Variants in CSMD1 observed in about 807,000 individuals in gnomAD.
The protein encoded by CSMD1 is CUB and sushi domain-containing protein 1.
A neutral mutation model predicts 417.5 loss-of-function variants in CSMD1; 213 were observed. That is an observed-to-expected ratio of 0.51 (90% confidence interval 0.46 to 0.57). The LOEUF (loss-of-function observed/expected upper bound fraction) is 0.57, where lower values mean the gene tolerates loss of function less well. Ranked by LOEUF, CSMD1 falls within the 20% of genes least tolerant of loss-of-function variation. The pLI, the probability that CSMD1 is intolerant of heterozygous loss-of-function variation, is 0.00. For synonymous variants in CSMD1, 2,862 were observed against 1,736.8 expected, an observed-to-expected ratio of 1.65 and a Z score of -16.11; for missense variants, 6,923 against 4,529.7, an observed-to-expected ratio of 1.53 and a Z score of -15.17.
At chr8:3,543,275 G>C (rs933171591) in intron 10 of CSMD1, among the ~76,000 whole-genome samples, 24 of 152,188 alleles carry the variant, frequency 1.6e-4, no homozygotes, top group African/African-American at 4.6e-4. Flanking sequence ...GTTTTACAGA[G>C]GACATCGGAG....
intron 5 of CSMD1, among the ~76,000 whole-genome samples, chr8:3,891,858 CA>C (rs1274249843): frequency 6.6e-6 from 1 of 151,714 alleles, no homozygotes; most frequent in Non-Finnish European, 1.5e-5. Flanking sequence ...AAAGCTTGCC[CA>C]AAAAAAGGCT....
At chr8:4,633,518 G>C (rs1472519914) in intron 2 of CSMD1, among the ~76,000 whole-genome samples, 1 of 151,692 alleles carries the variant, frequency 6.6e-6, no homozygotes, top group Non-Finnish European at 1.5e-5. Flanking sequence ...CAAAGTGCTG[G>C]GATTACAGGT....
intron 2 of CSMD1, among the ~76,000 whole-genome samples, chr8:4,551,994 T>C (rs550422875): frequency 6.6e-6 from 1 of 152,232 alleles, no homozygotes; most frequent in South Asian, 2.1e-4. Context: ...GCTGGTCACA[T>C]TCTTTAGCAA....
intron 5 of CSMD1, among the ~76,000 whole-genome samples, chr8:3,853,956 TATTA>T (rs1804109357): frequency 6.8e-6 from 1 of 146,280 alleles, no homozygotes; most frequent in Admixed American, 6.9e-5. Context: ...TATATTAATA[TATTA>T]AATATATCAT....
chr8:4,021,055 C>T (rs1410373848), intron 4 of CSMD1, among the ~76,000 whole-genome samples: 3 of 152,180 alleles, frequency 2.0e-5, no homozygotes, highest in African/African-American at 4.8e-5. Flanking sequence ...CCAGTGACAG[C>T]ATCAGAGCTC....
chr8:4,233,921 A>C (rs549215094), intron 3 of CSMD1, among the ~76,000 whole-genome samples: 1 of 151,746 alleles, frequency 6.6e-6, no homozygotes, highest in East Asian at 2.0e-4. Flanking sequence ...GTCACCCTAA[A>C]ATGCCTTAAT....
At chr8:3,310,534 A>G (rs1805248970) in intron 23 of CSMD1, among the ~76,000 whole-genome samples, 1 of 152,178 alleles carries the variant, frequency 6.6e-6, no homozygotes, top group Non-Finnish European at 1.5e-5. Context: ...GCTATCTTGA[A>G]TTTACATTAG....
rs182911437 is a variant in CSMD1 at position 3,071,341 on chromosome 8, G to A, written c.7474+15756C>T. Among the ~76,000 whole-genome samples, 222 of 152,176 alleles carry A rather than the reference G, an allele frequency of 1.5e-3. 3 individuals are homozygous for A. The highest frequency in any genetic ancestry group is 0.013 in the Admixed American group (206 of 15,292). Reference sequence around the variant, plus strand: ...ACAGGGAAGGGAACATCACACACCGGGGCCCATCACGGGGTGGGGAGCAAG... The same window carrying A: ...ACAGGGAAGGGAACATCACACACCGAGGCCCATCACGGGGTGGGGAGCAAG... On this transcript the variant is annotated intron_variant, in intron 49 of 69. Transcript: ENST00000635120.
At chr8:3,358,948 G>A (rs1808976825) in intron 21 of CSMD1, among the ~76,000 whole-genome samples, 1 of 152,032 alleles carries the variant, frequency 6.6e-6, no homozygotes, top group Admixed American at 6.6e-5. Context: ...AGAGCTGAAA[G>A]GGACTTACTT....
chr8:2,970,834 G>A (rs879463729), intron 57 of CSMD1, among the ~76,000 whole-genome samples: 8 of 152,092 alleles, frequency 5.3e-5, no homozygotes, highest in Non-Finnish European at 1.0e-4. Flanking sequence ...ATTTTACTAT[G>A]GAAATTGTTT....
chr8:3,328,349 C>G (rs996122101), intron 23 of CSMD1, among the ~76,000 whole-genome samples: 1 of 152,188 alleles, frequency 6.6e-6, no homozygotes, highest in African/African-American at 2.4e-5. Context: ...TCTGCTTCCT[C>G]TCTCAATATC....
intron 10 of CSMD1, among the ~76,000 whole-genome samples, chr8:3,512,399 A>G (rs1430142369): frequency 2.0e-5 from 3 of 152,118 alleles, no homozygotes; most frequent in African/African-American, 7.2e-5. Context: ...CTCTCCCCAT[A>G]GACAGGCTTT....
At chr8:3,886,390 G>A (rs761426744) in intron 5 of CSMD1, among the ~76,000 whole-genome samples, 2 of 152,200 alleles carry the variant, frequency 1.3e-5, no homozygotes, top group Non-Finnish European at 2.9e-5. Context: ...CAAATTGGTT[G>A]TGTGCTAGTT....
intron 13 of CSMD1, among the ~76,000 whole-genome samples, chr8:3,409,029 A>C (rs1812520168): frequency 6.6e-6 from 1 of 152,080 alleles, no homozygotes; most frequent in South Asian, 2.1e-4. Context: ...CAATACCACC[A>C]CCCATGCTCG....
chr8:4,230,415 C>G (rs1047553302), intron 3 of CSMD1, among the ~76,000 whole-genome samples: 1 of 152,116 alleles, frequency 6.6e-6, no homozygotes, highest in Non-Finnish European at 1.5e-5. Context: ...GTATATAATC[C>G]AAGGTCTAAC....
chr8:4,149,956 T>C (rs1012170280), intron 3 of CSMD1, among the ~76,000 whole-genome samples: 1 of 152,240 alleles, frequency 6.6e-6, no homozygotes, highest in Non-Finnish European at 1.5e-5. Flanking sequence ...TTCTGTGATG[T>C]GGTACACAAA....
At chr8:4,384,046 G>A (rs7836107) in intron 3 of CSMD1, among the ~76,000 whole-genome samples, 13,768 of 74,314 alleles carry the variant, frequency 0.19, 1,809 homozygotes, top group African/African-American at 0.46. Flanking sequence ...GTTTGGTCTT[G>A]TTCAGTGTTG....
At position 3,783,126 on chromosome 8, in the gene CSMD1, AT is replaced by A. The variant is rs1036245880; in HGVS notation, c.819-29085del. Among the ~76,000 whole-genome samples, 72 of 152,256 alleles carry A rather than the reference AT, an allele frequency of 4.7e-4. 2 individuals are homozygous for A. Among genetic ancestry groups the A allele is most frequent in the Middle Eastern group, 3.4e-3 (1 of 294 alleles). On this transcript the variant is annotated intron_variant, in intron 5 of 69. Coordinates refer to ENST00000635120, the MANE Select transcript of CSMD1 (RefSeq NM_033225.6). ...CCACCATCCTCCCTTCTCGGGATTT[AT>A]CCAGAAGGAGATTATTTTTGACAAC...
At chr8:4,419,299 A>G (rs17070239) in intron 3 of CSMD1, among the ~76,000 whole-genome samples, 4,027 of 152,286 alleles carry the variant, frequency 0.026, 190 homozygotes, top group African/African-American at 0.091. Flanking sequence ...ATCGGCCTTT[A>G]AAGTATTAAC....
Sources: gnomAD v4.1 joint callset for allele counts (sites outside exome capture counted in the v4.1 genomes callset) on GRCh38, gnomAD v4.1.1 for gene constraint, MANE v1.5 for transcripts, NCBI Gene and HGNC (gene_info 2026-07-23, HGNC 2026-07-21) for gene names.